Variants in MOB4 observed in about 807,000 individuals in gnomAD.
The protein encoded by MOB4 is MOB-like protein phocein.
In MOB4, 4 loss-of-function variants were observed where a neutral mutation model predicts 32.2. The observed-to-expected ratio is 0.12, with a 90% CI of 0.06 to 0.28. The LOEUF is 0.28. Ranked by LOEUF, MOB4 falls within the 10% of genes least tolerant of loss-of-function variation. The pLI is 1.00. For synonymous variants in MOB4, 88 were observed against 88.1 expected (o/e 1.00, Z 0.01); for missense variants, 158 against 271.2 (o/e 0.58, Z 2.93).
intron 5 of MOB4, among the ~76,000 whole-genome samples, chr2:197,542,586 ATAGAG>A (rs2086915284): frequency 6.6e-6 from 1 of 152,236 alleles, no homozygotes; most frequent in Non-Finnish European, 1.5e-5. Context: ...CATTCAGCAT[ATAGAG>A]TAAATTATAC....
chr2:197,542,829 G>A (rs1171093882), intron 5 of MOB4, among the ~76,000 whole-genome samples: 2 of 152,082 alleles, frequency 1.3e-5, no homozygotes, highest in Admixed American at 1.3e-4. Context: ...GAATTAACTG[G>A]GGGAAGGTGA....
rs1015760428 is a variant in MOB4, at chr2:197,551,017, G to A, written c.*371G>A. 2 of 153,796 alleles carry A rather than the reference G, an allele frequency of 1.3e-5. No individual in the cohort carries two copies. Among genetic ancestry groups the A allele is most frequent in the African/African-American group, 4.8e-5 (2 of 41,476 alleles). The allele number at this position is 153,796 out of a possible 1,614,324, so 9.5% of individuals were successfully genotyped here. ...TTCACACAAGCCATTTACTAAAGAGGTAGAAATGTTTTCTATTGGTTTTAC... is the reference window on the plus strand; with the variant it reads ...TTCACACAAGCCATTTACTAAAGAGATAGAAATGTTTTCTATTGGTTTTAC... On this transcript the variant is annotated 3_prime_UTR_variant, in exon 8 of 8. Transcript: ENST00000323303.
At chr2:197,536,937 A>C (rs1250775701) in intron 3 of MOB4, among the ~76,000 whole-genome samples, 1 of 151,154 alleles carries the variant, frequency 6.6e-6, no homozygotes, top group Non-Finnish European at 1.5e-5. Flanking sequence ...ATGGGGTCTC[A>C]CTGTGTTGCC....
At chr2:197,529,597 C>A (rs1045911845) in intron 2 of MOB4, among the ~76,000 whole-genome samples, 6 of 152,066 alleles carry the variant, frequency 3.9e-5, no homozygotes, top group South Asian at 4.1e-4. Flanking sequence ...AGTGATCCAT[C>A]CACCTCAGCC....
At chr2:197,543,502 A>G (rs141146554) in intron 5 of MOB4, among the ~76,000 whole-genome samples, 4 of 152,154 alleles carry the variant, frequency 2.6e-5, no homozygotes, top group African/African-American at 7.2e-5. Flanking sequence ...TGGACATACA[A>G]TGAAATATTA....
chr2:197,527,280 C>T lies in MOB4; in HGVS notation c.123+3594C>T, dbSNP rs1169940864. 2.6e-5 allele frequency among the ~76,000 whole-genome samples: 4 copies of T among 152,016 alleles called. No individual in the cohort carries two copies. The South Asian group carries it at 6.2e-4, about 24-fold the overall frequency. On this transcript the variant is annotated intron_variant, in intron 2 of 7. Coordinates refer to ENST00000323303, the MANE Select transcript of MOB4 (RefSeq NM_015387.5). ...TATTAAGCCTTCTTACTCATGCACA[C>T]GAGATGTCTTTCCATTTATTTAGGT...
intron 3 of MOB4, among the ~76,000 whole-genome samples, chr2:197,537,558 T>G (rs539329763): frequency 6.6e-6 from 1 of 152,332 alleles, no homozygotes; most frequent in East Asian, 1.9e-4. Context: ...GTCATAACAG[T>G]TCAGCAATTT....
rs77272123 is a variant in MOB4 at position 197,520,893 on chromosome 2, TAAAAAAAAAAAA to T, written c.61-2718_61-2707del. Among the ~76,000 whole-genome samples, 7 of 107,892 alleles carry T rather than the reference TAAAAAAAAAAAA, an allele frequency of 6.5e-5. No individual in the cohort carries two copies. In the Admixed American group the frequency reaches 7.0e-4, roughly 11 times the overall value. The allele number at this position is 107,892 out of a possible 152,430, so 70.8% of individuals were successfully genotyped here. ...GCCAACAAAGTGAGACCTCGTCTCT[TAAAAAAAAAAAA>T]AAAAAAAAAAAAGAAGAAGAAATAA... On this transcript the variant is annotated intron_variant, in intron 1 of 7. Transcript: ENST00000323303.
intron 5 of MOB4, among the ~76,000 whole-genome samples, chr2:197,543,308 A>C (rs1291256665): frequency 6.6e-6 from 1 of 152,196 alleles, no homozygotes. Context: ...AAAGATTCAG[A>C]AATGGCCAGT....
chr2:197,542,443 A>G (rs555393464), intron 5 of MOB4, among the ~76,000 whole-genome samples: 1 of 152,240 alleles, frequency 6.6e-6, no homozygotes, highest in Admixed American at 6.5e-5. Flanking sequence ...TCAGGAAACT[A>G]TAGGAACTGA....
chr2:197,518,906 C>G (rs1315711296), intron 1 of MOB4, among the ~76,000 whole-genome samples: 1 of 152,156 alleles, frequency 6.6e-6, no homozygotes, highest in Non-Finnish European at 1.5e-5. Flanking sequence ...CAGGCGCTAA[C>G]CACCACGTCT....
At chr2:197,537,049 G>A (rs1413078572) in intron 3 of MOB4, among the ~76,000 whole-genome samples, 1 of 152,058 alleles carries the variant, frequency 6.6e-6, no homozygotes, top group African/African-American at 2.4e-5. Context: ...GCCACTTTAT[G>A]TTTTTGTAGA....
In MOB4 at chr2:197,531,059, T is replaced by A. The variant is rs182644082; in HGVS notation, c.124-4471T>A. 1.5e-3 allele frequency among the ~76,000 whole-genome samples: 229 copies of A among 151,454 alleles called. 1 individual carries two copies. Among genetic ancestry groups the A allele is most frequent in the Middle Eastern group, 3.4e-3 (1 of 294 alleles). ...TATTTTTATTTTTATTTTTATTTTT[T>A]TTTTTTGAGGCAGAGTCTCGCTCTT... is the stretch of plus-strand genomic sequence containing the variant. On this transcript the variant is annotated intron_variant, in intron 2 of 7. Transcript: ENST00000323303.
chr2:197,521,207 A>C (rs925363942), intron 1 of MOB4, among the ~76,000 whole-genome samples: 4 of 152,158 alleles, frequency 2.6e-5, no homozygotes, highest in Non-Finnish European at 5.9e-5. Context: ...CAAAAGAGAG[A>C]AATTTTAAAG....
chr2:197,545,118 A>G (rs376930337), intron 5 of MOB4, among the ~76,000 whole-genome samples: 76 of 152,354 alleles, frequency 5.0e-4, no homozygotes, highest in South Asian at 2.5e-3. Flanking sequence ...CAGTCACATT[A>G]TTTATGATAG....
chr2:197,535,312 G>T lies in MOB4; in HGVS notation c.124-218G>T, dbSNP rs538740490. 6.6e-5 allele frequency among the ~76,000 whole-genome samples: 10 copies of T among 151,828 alleles called. No individual in the cohort carries two copies. In the South Asian group the frequency reaches 2.1e-3, roughly 32 times the overall value. The stretch of plus-strand genomic sequence containing the variant: ...ATACAATATCTGCATTTATGTAGTA[G>T]ATTCTATCCAAATGAAGTTGAATTG... On this transcript the variant is annotated intron_variant, in intron 2 of 7. Coordinates refer to ENST00000323303, the MANE Select transcript of MOB4 (RefSeq NM_015387.5).
chr2:197,525,102 T>C (rs909902231), intron 2 of MOB4, among the ~76,000 whole-genome samples: 3 of 152,124 alleles, frequency 2.0e-5, no homozygotes, highest in Non-Finnish European at 4.4e-5. Flanking sequence ...TCCCAGCACA[T>C]TGGGAGGCCA....
At chr2:197,536,764 A>C (rs572732016) in intron 3 of MOB4, among the ~76,000 whole-genome samples, 56 of 151,010 alleles carry the variant, frequency 3.7e-4, no homozygotes, top group African/African-American at 1.3e-3. Context: ...TGCCCAGCTA[A>C]TTTTTGTATT....
intron 5 of MOB4, among the ~76,000 whole-genome samples, chr2:197,545,694 T>C (rs186445253): frequency 3.0e-4 from 46 of 152,364 alleles, no homozygotes; most frequent in Middle Eastern, 3.4e-3. Context: ...ACTTATTATA[T>C]TATTTCATTT....
Sources: gnomAD v4.1 joint callset for allele counts (sites outside exome capture counted in the v4.1 genomes callset) on GRCh38, gnomAD v4.1.1 for gene constraint, MANE v1.5 for transcripts, NCBI Gene and HGNC (gene_info 2026-07-23, HGNC 2026-07-21) for gene names.